The following RSPH14 variants were observed in gnomAD, a reference collection of about 807,000 sequenced individuals.
RSPH14 encodes the protein rhabdoid tumor deletion region gene 1.
A neutral mutation model predicts 26.7 loss-of-function variants in RSPH14; 20 were observed. That is an observed-to-expected ratio of 0.75 (90% confidence interval 0.53 to 1.09). The LOEUF is 1.09. Ranked by LOEUF, RSPH14 falls within the 50% of genes least tolerant of loss-of-function variation. RSPH14 has a pLI of 0.00. For missense variants in RSPH14, 449 were observed against 457.2 expected (o/e 0.98, Z 0.16); for synonymous variants, 177 against 189.3 (o/e 0.93, Z 0.53).
At chr22:23,085,196 A>T (rs1394883004) in intron 4 of RSPH14, among the ~76,000 whole-genome samples, 1 of 152,148 alleles carries the variant, frequency 6.6e-6, no homozygotes, top group African/African-American at 2.4e-5. Flanking sequence ...TGATGTCCTC[A>T]GCGATTCCTC....
chr22:23,167,274 C>A, the RSPH14 span, among the ~76,000 whole-genome samples: 459 of 152,320 alleles, frequency 3.0e-3, 1 homozygote, highest in African/African-American at 0.011. Context: ...CAAGCTCAGC[C>A]CTCCTCAGGG....
At chr22:23,116,688 A>G (rs1197784611) in intron 4 of RSPH14, among the ~76,000 whole-genome samples, 2 of 152,144 alleles carry the variant, frequency 1.3e-5, no homozygotes, top group African/African-American at 4.8e-5. Context: ...GAGGCCCTGG[A>G]TGAGCCTCTC....
At chr22:23,137,693 T>C in intron 3 of RSPH14, 1 of 391,468 alleles carries the variant, frequency 2.6e-6, no homozygotes, top group Non-Finnish European at 4.7e-6. Flanking sequence ...CTTCTGGGCC[T>C]GTGCACACTG....
chr22:23,107,983 T>C (rs935926738), intron 4 of RSPH14, among the ~76,000 whole-genome samples: 5 of 152,124 alleles, frequency 3.3e-5, no homozygotes, highest in African/African-American at 7.2e-5. Flanking sequence ...AAGCCTCCTA[T>C]AGGTGCCCAT....
chr22:23,146,652 G>A (rs536299716), upstream of RSPH14: 66 of 1,614,070 alleles, frequency 4.1e-5, 1 homozygote, highest in South Asian at 7.2e-4. Flanking sequence ...GGCCCCCTGT[G>A]AGCCGCGACC....
intron 3 of RSPH14, chr22:23,137,719 T>C: frequency 4.0e-6 from 1 of 251,402 alleles, no homozygotes; most frequent in Non-Finnish European, 7.6e-6. Context: ...TGGCCCCCTT[T>C]ATCCGAAAGA....
chr22:23,082,652 G>C (rs970559401), intron 4 of RSPH14, among the ~76,000 whole-genome samples: 2 of 152,112 alleles, frequency 1.3e-5, no homozygotes, highest in African/African-American at 4.8e-5. Flanking sequence ...GCTGCTTGAT[G>C]ACACTGCAGA....
the RSPH14 span, among the ~76,000 whole-genome samples, chr22:23,155,135 G>A: frequency 2.0e-5 from 3 of 151,924 alleles, no homozygotes; most frequent in Admixed American, 6.6e-5. Flanking sequence ...CAAAAAAAAA[G>A]AAAAAAATCA....
intron 4 of RSPH14, among the ~76,000 whole-genome samples, chr22:23,107,616 G>T (rs1010304724): frequency 6.6e-6 from 1 of 152,100 alleles, no homozygotes; most frequent in Non-Finnish European, 1.5e-5. Flanking sequence ...CAGAAGCTGG[G>T]GCGGGAGCAG....
At chr22:23,149,450 C>T (rs1238666742), upstream of RSPH14, among the ~76,000 whole-genome samples, 4 of 152,168 alleles carry the variant, frequency 2.6e-5, no homozygotes, top group African/African-American at 4.8e-5. Flanking sequence ...GTCTGCCTTC[C>T]AAGAAACGTG....
chr22:23,084,854 T>C (rs1424353348), intron 4 of RSPH14, among the ~76,000 whole-genome samples: 2 of 152,186 alleles, frequency 1.3e-5, no homozygotes, highest in Non-Finnish European at 2.9e-5. Flanking sequence ...CCTGGCTCAC[T>C]TGCCAGAGGA....
Position 23,135,086 on chromosome 22 carries a change from G to A in RSPH14, c.303-942C>T, listed in dbSNP as rs1437568524. 1.1e-4 allele frequency among the ~76,000 whole-genome samples: 17 copies of A among 152,020 alleles called. No homozygotes were observed. In the South Asian group the frequency reaches 2.9e-3, roughly 26 times the overall value. Reference sequence around the variant, plus strand: ...CTCAGTAGGCTAAGGTGGGAGGATCGTTTGAGCCTAGGAGTTTAAGGCTAC... The same window carrying A: ...CTCAGTAGGCTAAGGTGGGAGGATCATTTGAGCCTAGGAGTTTAAGGCTAC... On this transcript the variant is annotated intron_variant, in intron 3 of 6. Transcript: ENST00000216036.
Position 23,138,871 on chromosome 22 carries a change from G to A in RSPH14, c.271C>T (p.Leu91Phe). ...ACGCTATGGCTTGCCGTGATGTGGA[G>A]CACCTCGGTGGTCTTTATGCGCACC... ...SMVRIKTTEVLHITASHSVGR... is the reference protein window; with the variant it reads ...SMVRIKTTEVFHITASHSVGR... The change falls in exon 3 of 7, where the codon CTC becomes TTC. Residue 91 changes from leucine (L) to phenylalanine (F), a missense_variant. Leu to Phe is a conservative substitution (Grantham distance 22). Coordinates refer to ENST00000216036, the MANE Select transcript of RSPH14 (RefSeq NM_014433.3). The A allele has an allele frequency of 1.3e-6, 2 of 1,551,764 alleles. No individual in the cohort carries two copies. The highest frequency in any genetic ancestry group is 8.7e-7 in the Non-Finnish European group (1 of 1,147,392).
At chr22:23,152,559 C>T in the RSPH14 span, 1 of 1,597,118 alleles carries the variant, frequency 6.3e-7, no homozygotes, top group East Asian at 2.2e-5. Context: ...TTGGCCACCT[C>T]CCCCAGCACC....
In RSPH14 at chr22:23,138,915, A is replaced by G. The variant is rs201236150; in HGVS notation, c.227T>C (p.Leu76Pro). ...GCGCACCATACTGTTGCTATCCTTCAGCAAAGCTTTCAGGTTCTCCATACA... is the reference window on the plus strand; with the variant it reads ...GCGCACCATACTGTTGCTATCCTTCGGCAAAGCTTTCAGGTTCTCCATACA... ...IGCMENLKALLKDSNSMVRIK... is the reference protein window; with the variant it reads ...IGCMENLKALPKDSNSMVRIK... The change falls in exon 3 of 7, where the codon CTG becomes CCG. Residue 76 changes from leucine (L) to proline (P), a missense_variant. Physicochemically the swap from Leu to Pro is moderately conservative, Grantham distance 98. Coordinates refer to ENST00000216036, the MANE Select transcript of RSPH14 (RefSeq NM_014433.3). 5.5e-5 allele frequency: 85 copies of G among 1,549,306 alleles called. No homozygotes were observed. In the African/African-American group the frequency reaches 1.2e-3, roughly 21 times the overall value.
chr22:23,171,336 A>T, the RSPH14 span, among the ~76,000 whole-genome samples: 2,658 of 152,118 alleles, frequency 0.017, 34 homozygotes, highest in Non-Finnish European at 0.024. Flanking sequence ...TGACCCAGGA[A>T]GTCATCATAC....
At chr22:23,180,068 G>A in the RSPH14 span, 2 of 343,250 alleles carry the variant, frequency 5.8e-6, no homozygotes, top group Non-Finnish European at 1.1e-5. Flanking sequence ...GGGGGAGGTT[G>A]CTTCTGTCGG....
chr22:23,109,025 C>T (rs1195354782), intron 4 of RSPH14, among the ~76,000 whole-genome samples: 2 of 152,212 alleles, frequency 1.3e-5, no homozygotes, highest in African/African-American at 4.8e-5. Context: ...GCCTGAAGCT[C>T]AGCTCCATAT....
At chr22:23,150,696 G>A in the RSPH14 span, among the ~76,000 whole-genome samples, 1 of 152,094 alleles carries the variant, frequency 6.6e-6, no homozygotes, top group African/African-American at 2.4e-5. Flanking sequence ...TTCAGCCTCA[G>A]GTCTTGGTAC....
Sources: allele counts gnomAD v4.1 joint callset (sites outside exome capture counted in the v4.1 genomes callset), GRCh38; gene constraint gnomAD v4.1.1; transcripts MANE v1.5; gene names NCBI Gene and HGNC (gene_info 2026-07-23, HGNC 2026-07-21).